TAFA5: variants seen among roughly 807,000 people sequenced by gnomAD.
TAFA5 encodes TAFA chemokine like family member 5, also known as chemokine-like protein TAFA-5.
A neutral mutation model predicts 15.3 loss-of-function variants in TAFA5; 6 were observed. The ratio of observed to expected loss-of-function variants is 0.39; its 90% CI spans 0.21 to 0.77. The LOEUF is 0.77. Among genes scored for constraint, TAFA5 ranks in the 30% least tolerant of loss-of-function variants. The probability of loss-of-function intolerance (pLI) is 0.41; values close to 1 mark genes in which losing one functional copy is unlikely to be tolerated. For missense variants in TAFA5, 161 were observed against 193.1 expected (o/e 0.83, Z 0.98); for synonymous variants, 103 against 80.7 (o/e 1.28, Z -1.48).
chr22:48,634,719 A>G (rs904105337), intron 1 of TAFA5, among the ~76,000 whole-genome samples: 5 of 151,662 alleles, frequency 3.3e-5, no homozygotes, highest in African/African-American at 1.2e-4. Context: ...TCACCCTCTC[A>G]TTCATCTACT....
intron 3 of TAFA5, among the ~76,000 whole-genome samples, chr22:48,715,718 C>T (rs1028328340): frequency 5.3e-5 from 8 of 152,146 alleles, no homozygotes; most frequent in Admixed American, 3.9e-4. Flanking sequence ...CCTGCTGGCC[C>T]GACCCAGGCG....
intron 1 of TAFA5, among the ~76,000 whole-genome samples, chr22:48,537,742 G>T (rs891039195): frequency 6.6e-6 from 1 of 152,188 alleles, no homozygotes; most frequent in Non-Finnish European, 1.5e-5. Context: ...CTGTCAGAGC[G>T]CCCAGCCCAG....
At chr22:48,747,964 A>C (rs971431072) in intron 3 of TAFA5, among the ~76,000 whole-genome samples, 10 of 151,992 alleles carry the variant, frequency 6.6e-5, no homozygotes, top group Non-Finnish European at 1.3e-4. Flanking sequence ...CCTTAACGTC[A>C]GATGGAAACT....
intron 1 of TAFA5, among the ~76,000 whole-genome samples, chr22:48,589,239 G>T (rs527614442): frequency 1.3e-5 from 2 of 152,076 alleles, no homozygotes; most frequent in Non-Finnish European, 1.5e-5. Context: ...GCTTGCTGGC[G>T]GAAGGTGGCC....
intron 1 of TAFA5, among the ~76,000 whole-genome samples, chr22:48,583,421 A>T (rs1177101505): frequency 6.7e-6 from 1 of 150,316 alleles, no homozygotes; most frequent in South Asian, 2.1e-4. Flanking sequence ...TACGCCACAC[A>T]CACACCACAC....
rs554048414 is a variant in TAFA5, at chr22:48,622,768, C to T, written c.113-23829C>T. On this transcript the variant is annotated intron_variant, in intron 1 of 3. Transcript: ENST00000402357. ...ACGCTGCAGGCTCAGCTTGTGTGGC[C>T]GCCTCTGCCAGCAGACAGGCCCCTC... 6.6e-5 allele frequency among the ~76,000 whole-genome samples: 10 copies of T among 152,326 alleles called. No individual in the cohort carries two copies. The East Asian group carries it at 9.7e-4, about 15-fold the overall frequency.
rs1923406387 is a variant in TAFA5, at chr22:48,566,307, GGATA to G, written c.112+76607_112+76610del. Among the ~76,000 whole-genome samples, 1 of 147,684 alleles carries G rather than the reference GGATA, an allele frequency of 6.8e-6. No individual in the cohort carries two copies. The highest frequency in any genetic ancestry group is 6.8e-5 in the Admixed American group (1 of 14,692). ...GGTGGATGAAAGATGGATGGATGAT[GGATA>G]GATGGATGGATGGACGATGGGTGGA... On this transcript the variant is annotated intron_variant, in intron 1 of 3. Transcript: ENST00000402357. The surrounding 1 kb of genome is among the most constrained non-coding windows in gnomAD (Gnocchi z 4.5).
intron 1 of TAFA5, among the ~76,000 whole-genome samples, chr22:48,507,438 G>T (rs572507708): frequency 1.1e-4 from 16 of 152,356 alleles, no homozygotes; most frequent in Non-Finnish European, 2.2e-4. Context: ...GGGGGGCTGA[G>T]AAGTCCTTGG....
At chr22:48,697,059 C>G (rs1928734600) in intron 2 of TAFA5, among the ~76,000 whole-genome samples, 1 of 152,192 alleles carries the variant, frequency 6.6e-6, no homozygotes, top group African/African-American at 2.4e-5. Context: ...GGCACATGTT[C>G]CCTGGGCACA....
Position 48,575,415 on chromosome 22 carries a change from C to G in TAFA5, c.113-71182C>G, listed in dbSNP as rs574094980. 4.4e-3 allele frequency among the ~76,000 whole-genome samples: 651 copies of G among 146,360 alleles called. 34 individuals carry two copies. In the East Asian group the frequency reaches 0.11, roughly 25 times the overall value. ...ACGGCGGCGGGCGCGGGCCGGAGTC[C>G]GAGGCTGCGCGGGCCCGGCCACCTG... On this transcript the variant is annotated intron_variant, in intron 1 of 3. Coordinates refer to ENST00000402357, the MANE Select transcript of TAFA5 (RefSeq NM_001082967.3).
chr22:48,602,300 C>T (rs977851645), intron 1 of TAFA5, among the ~76,000 whole-genome samples: 5 of 152,254 alleles, frequency 3.3e-5, no homozygotes, highest in African/African-American at 1.2e-4. Flanking sequence ...GCCACCCCCC[C>T]ACAAGCACAC....
chr22:48,672,074 A>G (rs1423266170), intron 2 of TAFA5, among the ~76,000 whole-genome samples: 1 of 152,248 alleles, frequency 6.6e-6, no homozygotes, highest in Non-Finnish European at 1.5e-5. Flanking sequence ...TAAGTGATTG[A>G]GATAATTTCA....
chr22:48,592,027 G>A (rs1331844831), intron 1 of TAFA5, among the ~76,000 whole-genome samples: 3 of 152,184 alleles, frequency 2.0e-5, no homozygotes, highest in African/African-American at 7.2e-5. Context: ...CCCCTCCTTA[G>A]CAGGTCTCTG....
chr22:48,491,242 G>C (rs1928143311), intron 1 of TAFA5, among the ~76,000 whole-genome samples: 1 of 152,178 alleles, frequency 6.6e-6, no homozygotes, highest in Non-Finnish European at 1.5e-5. Flanking sequence ...GGGCCTGCAG[G>C]GGTATGTGGG....
intron 2 of TAFA5, among the ~76,000 whole-genome samples, chr22:48,660,534 C>T (rs979684431): frequency 1.3e-5 from 2 of 152,232 alleles, no homozygotes; most frequent in Non-Finnish European, 2.9e-5. Flanking sequence ...TCTTTCCAGC[C>T]GATAAAATGC....
chr22:48,609,178 T>C (rs1292557312), intron 1 of TAFA5, among the ~76,000 whole-genome samples: 1 of 152,194 alleles, frequency 6.6e-6, no homozygotes, highest in Non-Finnish European at 1.5e-5. Context: ...AGGAGGAACC[T>C]CTACTTGGGT....
In TAFA5 at chr22:48,742,041, C is replaced by T. The variant is rs1008508755; in HGVS notation, c.391-7798C>T. On this transcript the variant is annotated intron_variant, in intron 3 of 3. Transcript: ENST00000402357. The surrounding 1 kb of genome is among the most constrained non-coding windows in gnomAD (Gnocchi z 6.2). ...TAAACACTGTTCCTATCCCGTGTTA[C>T]AGACGGGGAAACTGGGGCTCCCAGA... Among the ~76,000 whole-genome samples, 2 of 152,342 alleles carry T rather than the reference C, an allele frequency of 1.3e-5. No individual in the cohort carries two copies. The highest frequency in any genetic ancestry group is 1.3e-4 in the Admixed American group (2 of 15,306).
chr22:48,519,085 A>T (rs1921517356), intron 1 of TAFA5, among the ~76,000 whole-genome samples: 1 of 152,226 alleles, frequency 6.6e-6, no homozygotes, highest in South Asian at 2.1e-4. Context: ...GGCTGACCCC[A>T]GGCCGAGAGC....
intron 2 of TAFA5, among the ~76,000 whole-genome samples, chr22:48,672,196 T>C (rs1927824228): frequency 6.6e-6 from 1 of 152,240 alleles, no homozygotes; most frequent in African/African-American, 2.4e-5. Context: ...GACTCCTGAT[T>C]GTTAAGCCTT....
Sources: gnomAD v4.1 joint callset for allele counts (sites outside exome capture counted in the v4.1 genomes callset) on GRCh38, gnomAD v4.1.1 for gene constraint, Gnocchi (gnomAD v3.1) non-coding constraint, MANE v1.5 for transcripts, NCBI Gene and HGNC (gene_info 2026-07-23, HGNC 2026-07-21) for gene names.